Variants in NXPH1 observed in about 807,000 individuals in gnomAD.
NXPH1 encodes the protein neurexophilin 1.
In NXPH1, 5 loss-of-function variants were observed where a neutral mutation model predicts 23.7. That is an observed-to-expected ratio of 0.21 (90% CI 0.11 to 0.44). The LOEUF (loss-of-function observed/expected upper bound fraction) is 0.44. Among genes scored for constraint, NXPH1 ranks in the 20% least tolerant of loss-of-function variants. The pLI, the probability that NXPH1 is intolerant of heterozygous loss-of-function variation, is 0.99. For synonymous variants in NXPH1, 144 were observed against 122.2 expected (o/e 1.18, Z -1.18); for missense variants, 324 against 321.6 (o/e 1.01, Z -0.06).
chr7:8,645,104 C>G (rs1342210574), intron 2 of NXPH1, among the ~76,000 whole-genome samples: 1 of 152,058 alleles, frequency 6.6e-6, no homozygotes, highest in Non-Finnish European at 1.5e-5. Context: ...GGTTCTAAAT[C>G]TTTTTTATTA....
intron 2 of NXPH1, among the ~76,000 whole-genome samples, chr7:8,567,307 CT>C (rs1818563624): frequency 6.6e-6 from 1 of 151,836 alleles, no homozygotes; most frequent in Admixed American, 6.6e-5. Context: ...AATTATTTGC[CT>C]TTGGTTCATG....
At chr7:8,566,850 T>TG (rs1562404953) in intron 2 of NXPH1, among the ~76,000 whole-genome samples, 1 of 140,390 alleles carries the variant, frequency 7.1e-6, no homozygotes, top group Non-Finnish European at 1.5e-5. Context: ...TATTCATTCA[T>TG]ATTTTTTTTC....
intron 2 of NXPH1, among the ~76,000 whole-genome samples, chr7:8,740,083 G>T (rs1189211425): frequency 5.3e-5 from 8 of 152,220 alleles, no homozygotes; most frequent in Admixed American, 5.2e-4. Flanking sequence ...CTGATGTAAT[G>T]TTTCCAGTCA....
chr7:8,728,842 T>C (rs1780101633), intron 2 of NXPH1, among the ~76,000 whole-genome samples: 3 of 152,196 alleles, frequency 2.0e-5, no homozygotes, highest in African/African-American at 4.8e-5. Flanking sequence ...ATCAGGATGA[T>C]GCTGGCCTCA....
intron 2 of NXPH1, among the ~76,000 whole-genome samples, chr7:8,491,361 A>G (rs1420875915): frequency 3.9e-5 from 6 of 152,000 alleles, no homozygotes; most frequent in African/African-American, 7.2e-5. Context: ...GAAAAAGGGT[A>G]AAGAGTTGTT....
chr7:8,710,949 A>G lies in NXPH1; in HGVS notation c.55-40059A>G, dbSNP rs1779785186. Among the ~76,000 whole-genome samples, 4 of 152,118 alleles carry G rather than the reference A, an allele frequency of 2.6e-5. 1 individual carries two copies. The South Asian group carries it at 8.3e-4, about 32-fold the overall frequency. On this transcript the variant is annotated intron_variant, in intron 2 of 2. Transcript: ENST00000405863. ...AGTGCTGGGACTACAGGCGTGAGCCACCGCGCCCGGCCGTTACGGTTTTAT... is the reference window on the plus strand; with the variant it reads ...AGTGCTGGGACTACAGGCGTGAGCCGCCGCGCCCGGCCGTTACGGTTTTAT...
intron 2 of NXPH1, among the ~76,000 whole-genome samples, chr7:8,589,198 TG>T (rs577709109): frequency 1.0e-3 from 156 of 152,158 alleles, no homozygotes; most frequent in Middle Eastern, 6.8e-3. Context: ...TAAAAAATGG[TG>T]ACTAATCTTA....
In NXPH1 at chr7:8,477,672, C is replaced by T. The variant is rs543436721; in HGVS notation, c.54+41905C>T. ...GACCAGTGATTCTTAATAGGAATCACCTCCTGCTGCAGGGATGGTGCTGGG... is the reference window on the plus strand; with the variant it reads ...GACCAGTGATTCTTAATAGGAATCATCTCCTGCTGCAGGGATGGTGCTGGG... On this transcript the variant is annotated intron_variant, in intron 2 of 2. Coordinates refer to ENST00000405863, the MANE Select transcript of NXPH1 (RefSeq NM_152745.3). Among the ~76,000 whole-genome samples, 5 of 151,986 alleles carry T rather than the reference C, an allele frequency of 3.3e-5. No homozygotes were observed. The South Asian group carries it at 1.0e-3, about 32-fold the overall frequency.
At chr7:8,563,895 A>C (rs891535201) in intron 2 of NXPH1, among the ~76,000 whole-genome samples, 3 of 151,762 alleles carry the variant, frequency 2.0e-5, no homozygotes, top group African/African-American at 4.8e-5. Context: ...TTGAGATTAA[A>C]AGAGCAAAAC....
chr7:8,737,202 CTTGATGCAGTTTCTTCATAGTG>C (rs1461101346), intron 2 of NXPH1, among the ~76,000 whole-genome samples: 1 of 151,970 alleles, frequency 6.6e-6, no homozygotes, highest in African/African-American at 2.4e-5. Flanking sequence ...TTGCCTGTTA[CTTGATGCAGTTTCTTCATAGTG>C]TTGATGGTCT....
intron 2 of NXPH1, among the ~76,000 whole-genome samples, chr7:8,658,240 C>G (rs1047179041): frequency 3.9e-5 from 6 of 152,204 alleles, no homozygotes; most frequent in African/African-American, 1.4e-4. Flanking sequence ...TTAATACACT[C>G]TCTCAGTGCC....
Position 8,435,916 on chromosome 7 carries a change from C to G in NXPH1, c.54+149C>G. On this transcript the variant is annotated intron_variant, in intron 2 of 2. Coordinates refer to ENST00000405863, the MANE Select transcript of NXPH1 (RefSeq NM_152745.3). This position sits in a 1 kb window ranked among gnomAD's most constrained non-coding sequence, Gnocchi z 5.9. ...TGGAGCAACTTTGGCAAGCTGGTCT[C>G]TGGATTCCTGCGGATTTTCCGGGGT... 1.3e-6 allele frequency: 1 copy of G among 763,346 alleles called. No individual in the cohort carries two copies. The highest frequency in any genetic ancestry group is 2.3e-6 in the Non-Finnish European group (1 of 433,358). 47.3% of individuals were successfully genotyped at this position (763,346 alleles called of 1,614,324 possible). A position where few individuals can be genotyped will look rare whatever the true frequency, so the allele number is the denominator to read the frequency against.
chr7:8,659,902 G>T (rs1264394816), intron 2 of NXPH1, among the ~76,000 whole-genome samples: 5 of 152,148 alleles, frequency 3.3e-5, no homozygotes, highest in African/African-American at 1.2e-4. Flanking sequence ...ATCATCCAGT[G>T]CTAGGGATGT....
chr7:8,543,998 C>T (rs935086737), intron 2 of NXPH1, among the ~76,000 whole-genome samples: 39 of 151,450 alleles, frequency 2.6e-4, no homozygotes, highest in African/African-American at 8.2e-4. Context: ...GTGACTTAAC[C>T]GAGTTCATAC....
At chr7:8,648,108 A>C (rs1339442804) in intron 2 of NXPH1, among the ~76,000 whole-genome samples, 1 of 152,208 alleles carries the variant, frequency 6.6e-6, no homozygotes, top group Non-Finnish European at 1.5e-5. Flanking sequence ...AAATAAGCAC[A>C]TCATGGAGAA....
At chr7:8,467,196 C>T (rs1816800208) in intron 2 of NXPH1, among the ~76,000 whole-genome samples, 2 of 152,046 alleles carry the variant, frequency 1.3e-5, no homozygotes, top group African/African-American at 4.8e-5. Context: ...TTGGATTTTT[C>T]TGATAATGAT....
intron 2 of NXPH1, among the ~76,000 whole-genome samples, chr7:8,688,230 A>T (rs1469084705): frequency 1.3e-5 from 2 of 152,044 alleles, no homozygotes; most frequent in African/African-American, 4.8e-5. Flanking sequence ...TGTAGGTAAG[A>T]CTCATTATTC....
At chr7:8,527,473 T>A (rs1356440091) in intron 2 of NXPH1, among the ~76,000 whole-genome samples, 1 of 152,152 alleles carries the variant, frequency 6.6e-6, no homozygotes, top group Admixed American at 6.5e-5. Context: ...GGCTCCTCCT[T>A]AAAAAATGAC....
intron 2 of NXPH1, among the ~76,000 whole-genome samples, chr7:8,677,179 A>G (rs1049347543): frequency 1.3e-5 from 2 of 152,194 alleles, no homozygotes; most frequent in African/African-American, 4.8e-5. Context: ...GAATAATTAT[A>G]AAGGGCAGTT....
Sources: allele counts gnomAD v4.1 joint callset (sites outside exome capture counted in the v4.1 genomes callset), GRCh38; gene constraint gnomAD v4.1.1; non-coding constraint Gnocchi (gnomAD v3.1); transcripts MANE v1.5; gene names NCBI Gene and HGNC (gene_info 2026-07-23, HGNC 2026-07-21).